Variants in ABHD14B observed in about 807,000 individuals in gnomAD.
The protein encoded by ABHD14B is putative protein-lysine deacylase ABHD14B.
Under a neutral mutation model 15.4 loss-of-function variants are expected in ABHD14B, and 19 were observed. The observed-to-expected ratio is 1.23, with a 90% CI of 0.86 to 1.81. The LOEUF (loss-of-function observed/expected upper bound fraction) is 1.81, where lower values mean the gene tolerates loss of function less well. Among genes scored for constraint, ABHD14B ranks in the 40% most tolerant of loss-of-function variants. The pLI, the probability that ABHD14B is intolerant of heterozygous loss-of-function variation, is 0.00. For synonymous variants in ABHD14B, 92 were observed against 117.3 expected (o/e 0.78, Z 1.39); for missense variants, 243 against 267.0 (o/e 0.91, Z 0.63).
intron 2 of ABHD14B, chr3:51,970,749 G>C (rs1252709079): frequency 8.8e-6 from 4 of 456,664 alleles, no homozygotes; most frequent in South Asian, 1.5e-5. Flanking sequence ...CCCACCATTG[G>C]AATCAATCCT....
At chr3:51,973,113 C>G (rs1577711018) in intron 1 of ABHD14B, among the ~76,000 whole-genome samples, 1 of 150,166 alleles carries the variant, frequency 6.7e-6, no homozygotes, top group East Asian at 2.0e-4. Context: ...TGGCACATCT[C>G]CGCTCACTGC....
chr3:51,970,229 T>C, intron 2 of ABHD14B, 45 bp from the exon 3 acceptor site: 1 of 1,515,700 alleles, frequency 6.6e-7, no homozygotes, highest in South Asian at 1.3e-5. Context: ...GGGCAGTGAA[T>C]GGCAAAACAA....
intron 3 of ABHD14B, 45 bp from the exon 4 acceptor site, chr3:51,969,650 G>A (rs768231382): frequency 3.2e-5 from 51 of 1,574,414 alleles, no homozygotes; most frequent in South Asian, 5.9e-5. Context: ...ACAGGGACCT[G>A]CCATAGCATC....
At chr3:51,969,697 C>T (rs1039609296) in intron 3 of ABHD14B, 92 bp from the exon 4 acceptor site, 17 of 1,496,328 alleles carry the variant, frequency 1.1e-5, no homozygotes, top group Non-Finnish European at 1.5e-5. Context: ...CCTGGGACCA[C>T]CCCATATGAG....
intron 2 of ABHD14B, 104 bp downstream of exon 2, chr3:51,971,356 C>T (rs528547377): frequency 6.8e-5 from 90 of 1,330,518 alleles, no homozygotes; most frequent in African/African-American, 5.8e-4. Flanking sequence ...CAGATCCCAC[C>T]GCCCCCACCC....
chr3:51,973,627 T>C (rs1700708495), intron 1 of ABHD14B: 1 of 360,950 alleles, frequency 2.8e-6, no homozygotes, highest in Non-Finnish European at 5.4e-6. Context: ...CAAGTGATCC[T>C]CCCGGCTCAC....
intron 1 of ABHD14B, chr3:51,971,903 G>A (rs1700662063): frequency 9.2e-7 from 1 of 1,082,268 alleles, no homozygotes; most frequent in Non-Finnish European, 1.2e-6. Context: ...CTGAAATATG[G>A]GAACAATAAA....
At chr3:51,969,638 C>T in intron 3 of ABHD14B, 33 bp from the exon 4 acceptor site, 2 of 1,588,166 alleles carry the variant, frequency 1.3e-6, no homozygotes, top group South Asian at 2.3e-5. Flanking sequence ...GGGGCAGAGT[C>T]AACAGGGACC....
chr3:51,973,894 G>A (rs1700718860), intron 1 of ABHD14B, 71 bp downstream of exon 1: 2 of 1,289,720 alleles, frequency 1.6e-6, no homozygotes, highest in Admixed American at 2.3e-5. Context: ...ATCCGAGAAA[G>A]GAAGACTTGG....
chr3:51,974,338 C>T (rs373219857), upstream of ABHD14B: 38 of 300,080 alleles, frequency 1.3e-4, no homozygotes, highest in East Asian at 5.6e-4. Context: ...CCAGCTTGAA[C>T]TGCCCAGGGC....
At chr3:51,971,354 A>C (rs1356785955) in intron 2 of ABHD14B, 106 bp downstream of exon 2, 2 of 1,323,580 alleles carry the variant, frequency 1.5e-6, no homozygotes, top group African/African-American at 3.0e-5. Context: ...TCCAGATCCC[A>C]CCGCCCCCAC....
intron 1 of ABHD14B, among the ~76,000 whole-genome samples, chr3:51,972,161 C>A (rs536870941): frequency 1.4e-5 from 2 of 146,530 alleles, no homozygotes; most frequent in Non-Finnish European, 3.0e-5. Flanking sequence ...CGCTTGAACC[C>A]GGGAGGCAGA....
intron 1 of ABHD14B, chr3:51,971,929 T>A: frequency 1.2e-6 from 1 of 833,320 alleles, no homozygotes; most frequent in Non-Finnish European, 1.6e-6. Context: ...CTTCAAGAAT[T>A]AGCAATTTAA....
intron 2 of ABHD14B, 53 bp from the exon 3 acceptor site, chr3:51,970,237 CAAGG>C: frequency 6.6e-7 from 1 of 1,515,216 alleles, no homozygotes; most frequent in Non-Finnish European, 8.8e-7. Flanking sequence ...AATGGCAAAA[CAAGG>C]GAGATGGTTG....
chr3:51,971,939 A>G lies in ABHD14B; in HGVS notation c.-28-241T>C, dbSNP rs924370032. The G allele has an allele frequency of 1.2e-5, 10 of 808,032 alleles. No individual in the cohort carries two copies. The African/African-American group carries it at 1.8e-4, about 14-fold the overall frequency. The allele number at this position is 808,032 out of a possible 1,614,324, so 50.1% of individuals were successfully genotyped here. A position where few individuals can be genotyped will look rare whatever the true frequency, so the allele number is the denominator to read the frequency against. On this transcript the variant is annotated intron_variant, in intron 1 of 3. Transcript: ENST00000361143. Reference sequence around the variant, plus strand: ...GCCAACTTCAAGAATTAGCAATTTAATTAAAAGTTTAAGAAAAATTATCGG... The same window carrying G: ...GCCAACTTCAAGAATTAGCAATTTAGTTAAAAGTTTAAGAAAAATTATCGG...
Position 51,968,786 on chromosome 3 carries a change from C to T in ABHD14B, c.*640G>A, listed in dbSNP as rs909643017. On this transcript the variant is annotated 3_prime_UTR_variant, in exon 4 of 4. Transcript: ENST00000361143. ...AAAGGGCCTCCTGCAAGGGCTGGCCCATGGGGTCCCCACCTTCCCAGCCAG... is the reference window on the plus strand; with the variant it reads ...AAAGGGCCTCCTGCAAGGGCTGGCCTATGGGGTCCCCACCTTCCCAGCCAG... The T allele has an allele frequency of 3.3e-5, 5 of 152,336 alleles. No homozygotes were observed. Among genetic ancestry groups the T allele is most frequent in the African/African-American group, 9.7e-5 (4 of 41,440 alleles). 9.4% of individuals were successfully genotyped at this position (152,336 alleles called of 1,614,324 possible).
Position 51,971,707 on chromosome 3 carries a change from C to G in ABHD14B, c.-28-9G>C. The G allele has an allele frequency of 3.1e-6, 5 of 1,602,886 alleles. No homozygotes were observed. The highest frequency in any genetic ancestry group is 3.4e-6 in the Non-Finnish European group (4 of 1,175,474). ...CTGTGCTGGTGAAGGGCCTGTGGTT[C>G]AAAACCACGATGATGAGGGGCCACA... On this transcript the variant is annotated splice_polypyrimidine_tract_variant and intron_variant, in intron 1 of 3. Coordinates refer to ENST00000361143, the MANE Select transcript of ABHD14B (RefSeq NM_001146314.2).
chr3:51,971,490 C>G lies in ABHD14B; in HGVS notation c.181G>C (p.Gly61Arg), dbSNP rs1372694587. Reference protein sequence around the residue: ...LGTLHRLAQAGYRAVAIDLPG... With the variant: ...LGTLHRLAQARYRAVAIDLPG... ...AGGTCAATGGCCACAGCCCGGTAGC[C>G]AGCCTGGGCCAGCCTGTGCAGTGTA... Residue 61 changes from glycine (G) to arginine (R), a missense_variant, in exon 2 of 4, where the codon GGC becomes CGC. By Grantham distance (125) the Gly-to-Arg change is moderately radical. Coordinates refer to ENST00000361143, the MANE Select transcript of ABHD14B (RefSeq NM_001146314.2). The G allele has an allele frequency of 6.2e-7, 1 of 1,600,194 alleles. No individual in the cohort carries two copies. Among genetic ancestry groups the G allele is most frequent in the Non-Finnish European group, 8.5e-7 (1 of 1,171,968 alleles).
chr3:51,970,502 C>G, intron 2 of ABHD14B: 1 of 582,916 alleles, frequency 1.7e-6, no homozygotes, highest in East Asian at 3.8e-5. Context: ...GGTAGGTCCC[C>G]CTCAGTCCTC....
Sources: gnomAD v4.1 joint callset for allele counts (sites outside exome capture counted in the v4.1 genomes callset) on GRCh38, gnomAD v4.1.1 for gene constraint, MANE v1.5 for transcripts, NCBI Gene and HGNC (gene_info 2026-07-23, HGNC 2026-07-21) for gene names.